The following DPYD variants were observed in gnomAD, a reference collection of about 807,000 sequenced individuals.
DPYD encodes the protein dihydropyrimidine dehydrogenase [NADP(+)].
In DPYD, 109 loss-of-function variants were observed where a neutral mutation model predicts 116.2. The ratio of observed to expected loss-of-function variants is 0.94; its 90% CI spans 0.80 to 1.10. The LOEUF is 1.10. DPYD is among the 50% of genes least tolerant of loss of function. The pLI is 0.00. For missense variants in DPYD, 1,302 were observed against 1,254.5 expected, an observed-to-expected ratio of 1.04 and a Z score of -0.57; for synonymous variants, 440 against 432.0, an observed-to-expected ratio of 1.02 and a Z score of -0.23.
At chr1:97,897,582 T>C (rs1203633338) in intron 1 of DPYD, among the ~76,000 whole-genome samples, 1 of 151,920 alleles carries the variant, frequency 6.6e-6, no homozygotes, top group African/African-American at 2.4e-5. Flanking sequence ...TGTTTCATTT[T>C]AGAGTTTTTA....
At chr1:97,853,778 G>A (rs953453173) in intron 2 of DPYD, among the ~76,000 whole-genome samples, 26 of 152,268 alleles carry the variant, frequency 1.7e-4, no homozygotes, top group South Asian at 8.3e-4. Context: ...CTAAGATTGC[G>A]TAGTTAACAT....
At chr1:97,334,689 C>T (rs1228030741) in intron 16 of DPYD, among the ~76,000 whole-genome samples, 2 of 152,172 alleles carry the variant, frequency 1.3e-5, no homozygotes, top group East Asian at 3.9e-4. Flanking sequence ...TGAATAGCAG[C>T]TGTATGACTG....
At chr1:97,377,115 AGTT>A (rs1236588760) in intron 15 of DPYD, among the ~76,000 whole-genome samples, 1 of 151,866 alleles carries the variant, frequency 6.6e-6, no homozygotes, top group African/African-American at 2.4e-5. Flanking sequence ...TAAGTCACAG[AGTT>A]GTTGTTGTAA....
chr1:97,733,602 G>C (rs1208400665), intron 4 of DPYD, among the ~76,000 whole-genome samples: 1 of 151,892 alleles, frequency 6.6e-6, no homozygotes, highest in African/African-American at 2.4e-5. Flanking sequence ...AGATTGAGCT[G>C]ATACTAAAGT....
intron 8 of DPYD, among the ~76,000 whole-genome samples, chr1:97,616,710 A>C (rs897450874): frequency 6.6e-6 from 1 of 152,186 alleles, no homozygotes; most frequent in Non-Finnish European, 1.5e-5. Flanking sequence ...AAAAAGAAGA[A>C]ATATATATCC....
At chr1:97,151,766 TA>T (rs1655045176) in intron 20 of DPYD, among the ~76,000 whole-genome samples, 1 of 152,164 alleles carries the variant, frequency 6.6e-6, no homozygotes, top group Non-Finnish European at 1.5e-5. Context: ...AATCAGCTAT[TA>T]ATACAGACAG....
chr1:97,787,297 TAA>T (rs768126318), intron 3 of DPYD, among the ~76,000 whole-genome samples: 36 of 152,172 alleles, frequency 2.4e-4, no homozygotes, highest in Non-Finnish European at 4.9e-4. Flanking sequence ...TAAAATGAAA[TAA>T]GTGAGACTTT....
At chr1:97,242,806 T>C (rs1461999533) in intron 18 of DPYD, among the ~76,000 whole-genome samples, 1 of 151,872 alleles carries the variant, frequency 6.6e-6, no homozygotes, top group Middle Eastern at 3.4e-3. Flanking sequence ...ATATTTTAGA[T>C]AAAAGATCTA....
At chr1:97,550,164 C>A (rs1326083131) in intron 11 of DPYD, among the ~76,000 whole-genome samples, 2 of 152,146 alleles carry the variant, frequency 1.3e-5, no homozygotes, top group Admixed American at 6.5e-5. Context: ...AAAGTTACAT[C>A]ATGAATTCAG....
intron 1 of DPYD, among the ~76,000 whole-genome samples, chr1:97,905,684 A>AGACGCCTGGCCTGTGGAT (rs1673580548): frequency 6.6e-6 from 1 of 152,046 alleles, no homozygotes; most frequent in Non-Finnish European, 1.5e-5. Flanking sequence ...GACGCCATTC[A>AGACGCCTGGCCTGTGGAT]TACCTTGCTT....
intron 11 of DPYD, among the ~76,000 whole-genome samples, chr1:97,568,951 C>A (rs898543060): frequency 5.1e-5 from 3 of 58,674 alleles, no homozygotes; most frequent in Non-Finnish European, 1.6e-4. Flanking sequence ...GAACATAAAT[C>A]TTTACAGAGT....
chr1:97,739,929 G>C (rs1178627906), intron 4 of DPYD, among the ~76,000 whole-genome samples: 1 of 151,778 alleles, frequency 6.6e-6, no homozygotes, highest in Admixed American at 6.6e-5. Context: ...ACAACTCTAT[G>C]AGTCATTATG....
chr1:97,762,476 C>A (rs1490049113), intron 3 of DPYD, among the ~76,000 whole-genome samples: 3 of 152,074 alleles, frequency 2.0e-5, no homozygotes, highest in African/African-American at 7.2e-5. Context: ...AAGTCATGAA[C>A]AAATAGCTGA....
chr1:97,744,653 G>A (rs1306622948), intron 3 of DPYD, among the ~76,000 whole-genome samples: 6 of 152,038 alleles, frequency 3.9e-5, no homozygotes, highest in Non-Finnish European at 7.4e-5. Context: ...TATTAACATT[G>A]CATTTCCTTA....
chr1:97,514,239 A>T (rs887297432), intron 13 of DPYD: 1 of 985,092 alleles, frequency 1.0e-6, no homozygotes, highest in African/African-American at 1.7e-5. Context: ...AAGACACAGC[A>T]TCACAAATCA....
chr1:97,898,824 T>C (rs1673212945), intron 1 of DPYD, among the ~76,000 whole-genome samples: 1 of 151,940 alleles, frequency 6.6e-6, no homozygotes, highest in Non-Finnish European at 1.5e-5. Flanking sequence ...TTCCTCTGCA[T>C]AAGCTTTCTT....
intron 8 of DPYD, among the ~76,000 whole-genome samples, chr1:97,614,215 C>A (rs956942521): frequency 6.6e-6 from 1 of 151,680 alleles, no homozygotes; most frequent in Non-Finnish European, 1.5e-5. Context: ...TAGGATAACC[C>A]GAGATTTTAT....
chr1:97,424,722 C>A (rs936644058), intron 14 of DPYD, among the ~76,000 whole-genome samples: 1 of 151,738 alleles, frequency 6.6e-6, no homozygotes, highest in African/African-American at 2.4e-5. Flanking sequence ...TAGTATGAAC[C>A]CTTTAAATAT....
rs76509818 is a variant in DPYD at position 97,209,786 on chromosome 1, A to G, written c.2443-16538T>C. On this transcript the variant is annotated intron_variant, in intron 19 of 22. Transcript: ENST00000370192. ...AAATATTATAATATCTGACAGGTCT[A>G]TCACTGTGGGATTAAGCCAGCTATC... Among the ~76,000 whole-genome samples, 3 of 152,312 alleles carry G rather than the reference A, an allele frequency of 2.0e-5. No individual in the cohort carries two copies. The East Asian group carries it at 5.8e-4, about 29-fold the overall frequency.
Sources: allele counts gnomAD v4.1 joint callset (sites outside exome capture counted in the v4.1 genomes callset), GRCh38; gene constraint gnomAD v4.1.1; transcripts MANE v1.5; gene names NCBI Gene and HGNC (gene_info 2026-07-23, HGNC 2026-07-21).